DMD: variants seen among roughly 807,000 people sequenced by gnomAD.
The protein encoded by DMD is dystrophin.
Under a neutral mutation model 330.1 loss-of-function variants are expected in DMD, and 63 were observed. The observed-to-expected ratio is 0.19, with a 90% CI of 0.16 to 0.24. The LOEUF is 0.24. Among genes scored for constraint, DMD ranks in the 10% least tolerant of loss-of-function variants. The pLI is 1.00. For synonymous variants in DMD, 1,223 were observed against 959.8 expected, an observed-to-expected ratio of 1.27 and a Z score of -5.07; for missense variants, 3,344 against 2,684.1, an observed-to-expected ratio of 1.25 and a Z score of -5.43.
intron 44 of DMD, among the ~76,000 whole-genome samples, chrX:32,126,947 T>C (rs965453234): frequency 8.9e-6 from 1 of 112,406 alleles, no homozygotes; most frequent in African/African-American, 3.2e-5. Context: ...GCAACATTCC[T>C]TGACCAATAT....
At chrX:33,213,609 T>A (rs1253045334), upstream of DMD, among the ~76,000 whole-genome samples, 1 of 111,903 alleles carries the variant, frequency 8.9e-6, no homozygotes, top group African/African-American at 3.2e-5. Flanking sequence ...TTTCCATTTT[T>A]AATAACTGTC....
At chrX:32,771,684 C>G (rs2073623653) in intron 7 of DMD, among the ~76,000 whole-genome samples, 1 of 111,591 alleles carries the variant, frequency 9.0e-6, no homozygotes, top group Non-Finnish European at 1.9e-5. Flanking sequence ...CCTGTGATGA[C>G]TCTCCAAAAT....
At chrX:31,372,711 A>G (rs998089762) in intron 60 of DMD, among the ~76,000 whole-genome samples, 4 of 111,660 alleles carry the variant, frequency 3.6e-5, no homozygotes, top group Admixed American at 1.9e-4. Flanking sequence ...CCCACAGCCA[A>G]TATCATACTG....
intron 76 of DMD, among the ~76,000 whole-genome samples, chrX:31,136,556 C>T (rs893488652): frequency 9.0e-6 from 1 of 111,723 alleles, no homozygotes; most frequent in Non-Finnish European, 1.9e-5. Context: ...GTATGCCTCA[C>T]TGAATAAATC....
rs1557235529 is a variant in DMD at position 32,243,965 on chromosome X, T to TTA, written c.6291-26903_6291-26902insTA. Among the ~76,000 whole-genome samples the TTA allele has an allele frequency of 6.3e-3, 683 of 108,825 alleles. 5 individuals carry two copies. Among genetic ancestry groups the TTA allele is most frequent in the African/African-American group, 0.021 (637 of 29,912 alleles). 94.5% of individuals were successfully genotyped at this position (108,825 alleles called of 115,157 possible). On this transcript the variant is annotated intron_variant, in intron 43 of 78. Transcript: ENST00000357033. Reference sequence around the variant, plus strand: ...AACAAGAGGAACGAACTTTTTTTTTTTTATTATACTTTAAGTTTTAGGGTA... The same window carrying TTA: ...AACAAGAGGAACGAACTTTTTTTTTTTATTATTATACTTTAAGTTTTAGGGTA...
chrX:31,717,437 G>A (rs984820380), intron 52 of DMD, among the ~76,000 whole-genome samples: 1 of 111,846 alleles, frequency 8.9e-6, no homozygotes, highest in African/African-American at 3.3e-5. Flanking sequence ...CCAACATTGA[G>A]AGACACATAA....
chrX:31,389,927 G>A (rs1749882679), intron 60 of DMD, among the ~76,000 whole-genome samples: 1 of 111,917 alleles, frequency 8.9e-6, no homozygotes, highest in Admixed American at 9.5e-5. Context: ...ATGTGCTTGA[G>A]TGCCATTCTA....
At chrX:32,532,925 T>C (rs1033480999) in intron 17 of DMD, among the ~76,000 whole-genome samples, 3 of 112,253 alleles carry the variant, frequency 2.7e-5, no homozygotes, top group Non-Finnish European at 5.6e-5. Context: ...ATGGGACAAA[T>C]ATGGTCTGCC....
At chrX:32,742,921 G>A (rs932837840) in intron 7 of DMD, among the ~76,000 whole-genome samples, 1 of 111,870 alleles carries the variant, frequency 8.9e-6, no homozygotes, top group Non-Finnish European at 1.9e-5. Context: ...CGAAGGCCAA[G>A]AGAGGATAAG....
At chrX:32,505,459 G>C (rs2148715459) in intron 18 of DMD, among the ~76,000 whole-genome samples, 1 of 111,953 alleles carries the variant, frequency 8.9e-6, no homozygotes, top group South Asian at 3.7e-4. Context: ...TAAACAATGA[G>C]ATACCACTAC....
At chrX:32,594,499 T>C (rs1198833666) in intron 13 of DMD, among the ~76,000 whole-genome samples, 1 of 111,284 alleles carries the variant, frequency 9.0e-6, no homozygotes, top group Non-Finnish European at 1.9e-5. Flanking sequence ...GATGATTGTT[T>C]TTCTTTTAGG....
At position 33,011,907 on chromosome X, in the gene DMD, A is replaced by G. The variant is rs756367923; in HGVS notation, c.93+8232T>C. 8.1e-4 allele frequency among the ~76,000 whole-genome samples: 91 copies of G among 111,794 alleles called. 1 individual carries two copies. The highest frequency in any genetic ancestry group is 2.4e-3 in the African/African-American group (75 of 30,864). On this transcript the variant is annotated intron_variant, in intron 2 of 78. Coordinates refer to ENST00000357033, the MANE Select transcript of DMD (RefSeq NM_004006.3). ...GCAACTATCATGCTAATTGGTAAAT[A>G]TTTACATATGCAAGCTAAATATGCT...
intron 44 of DMD, among the ~76,000 whole-genome samples, chrX:32,019,229 C>A (rs1322815538): frequency 5.5e-5 from 6 of 109,846 alleles, no homozygotes; most frequent in East Asian, 2.8e-4. Context: ...CAAATTGTTC[C>A]CTTTGACAAA....
rs1038559530 is a variant in DMD at position 31,785,693 on chromosome X, A to C, written c.7310-11501T>G. Among the ~76,000 whole-genome samples, 4 of 110,175 alleles carry C rather than the reference A, an allele frequency of 3.6e-5. No individual in the cohort carries two copies. The East Asian group carries it at 1.1e-3, about 32-fold the overall frequency. ...TCAACTCCCACTTATGAGTGAGAACATGCGGTGTTTGGTTTTCTGTTCCTG... is the reference window on the plus strand; with the variant it reads ...TCAACTCCCACTTATGAGTGAGAACCTGCGGTGTTTGGTTTTCTGTTCCTG... On this transcript the variant is annotated intron_variant, in intron 50 of 78. Coordinates refer to ENST00000357033, the MANE Select transcript of DMD (RefSeq NM_004006.3).
At chrX:31,428,949 G>A (rs1324195234) in intron 60 of DMD, among the ~76,000 whole-genome samples, 1 of 110,143 alleles carries the variant, frequency 9.1e-6, no homozygotes, top group Admixed American at 9.6e-5. Context: ...GTGAAACCCC[G>A]TCTCTACTAA....
intron 55 of DMD, among the ~76,000 whole-genome samples, chrX:31,578,392 A>T (rs2076201389): frequency 8.9e-6 from 1 of 111,982 alleles, no homozygotes; most frequent in Non-Finnish European, 1.9e-5. Context: ...ACTGCAGCCC[A>T]TGCCATCCTG....
At chrX:33,154,574 C>T (rs779870371) in intron 1 of DMD, among the ~76,000 whole-genome samples, 4 of 111,443 alleles carry the variant, frequency 3.6e-5, no homozygotes, top group African/African-American at 1.3e-4. Flanking sequence ...TTCACTATTC[C>T]TGTTTTATTT....
At chrX:32,572,545 T>G (rs919297903) in intron 15 of DMD, among the ~76,000 whole-genome samples, 2 of 87,864 alleles carry the variant, frequency 2.3e-5, no homozygotes, top group Admixed American at 2.7e-4. Context: ...AAGAGAAACT[T>G]TAGAGTTTTT....
At position 32,150,995 on chromosome X, in the gene DMD, G is replaced by A. The variant is rs769789119; in HGVS notation, c.6438+65921C>T. On this transcript the variant is annotated intron_variant, in intron 44 of 78. Transcript: ENST00000357033. ...ACCTAAATGTTAATATTAAGGGAGG[G>A]GATAGGGAGAATATGATATATTTCT... Among the ~76,000 whole-genome samples the A allele has an allele frequency of 8.1e-5, 9 of 110,827 alleles. No homozygotes were observed. In the East Asian group the frequency reaches 2.3e-3, roughly 28 times the overall value.
Sources: gnomAD v4.1 joint callset for allele counts (sites outside exome capture counted in the v4.1 genomes callset) on GRCh38, gnomAD v4.1.1 for gene constraint, MANE v1.5 for transcripts, NCBI Gene and HGNC (gene_info 2026-07-23, HGNC 2026-07-21) for gene names.